Variants in ADARB1 observed in about 807,000 individuals in gnomAD.
ADARB1 encodes double-stranded RNA-specific editase 1.
In ADARB1, 10 loss-of-function variants were observed where a neutral mutation model predicts 52.4. The observed-to-expected ratio is 0.19, with a 90% CI of 0.12 to 0.32. ADARB1 has a LOEUF of 0.32. Among genes scored for constraint, ADARB1 ranks in the 10% least tolerant of loss-of-function variants. The pLI, the probability that ADARB1 is intolerant of heterozygous loss-of-function variation, is 1.00. For missense variants in ADARB1, 643 were observed against 922.3 expected (o/e 0.70, Z 3.92); for synonymous variants, 349 against 371.1 (o/e 0.94, Z 0.68).
chr21:45,082,043 A>G (rs892779538), intron 1 of ADARB1, among the ~76,000 whole-genome samples: 3 of 152,122 alleles, frequency 2.0e-5, no homozygotes, highest in Non-Finnish European at 2.9e-5. Flanking sequence ...GTTGTGGGCA[A>G]TAGATCAGGT....
At chr21:45,096,676 A>C (rs1348500182) in intron 1 of ADARB1, among the ~76,000 whole-genome samples, 1 of 152,172 alleles carries the variant, frequency 6.6e-6, no homozygotes, top group African/African-American at 2.4e-5. Context: ...CATCATTGTC[A>C]CCCAGAAGTG....
intron 2 of ADARB1, among the ~76,000 whole-genome samples, chr21:45,168,619 A>G (rs143049352): frequency 6.6e-6 from 1 of 152,338 alleles, no homozygotes; most frequent in East Asian, 1.9e-4. Flanking sequence ...TGTGTGGTGT[A>G]TTCGGGGTTC....
In ADARB1 at chr21:45,224,016, A is replaced by T; in HGVS notation, c.*1819A>T. The T allele has an allele frequency of 1.0e-6, 1 of 985,432 alleles. No individual in the cohort carries two copies. The highest frequency in any genetic ancestry group is 1.1e-4 in the East Asian group (1 of 8,798). The allele number at this position is 985,432 out of a possible 1,614,324, so 61.0% of individuals were successfully genotyped here. A position where few individuals can be genotyped will look rare whatever the true frequency, so the allele number is the denominator to read the frequency against. ...CCACAGTGGGGTTTTGTTCAGGCAG[A>T]TCGCGCTGGGGTTCTGCACCTGCAG... On this transcript the variant is annotated 3_prime_UTR_variant, in exon 11 of 11. Coordinates refer to ENST00000348831, the MANE Select transcript of ADARB1 (RefSeq NM_001112.4).
intron 1 of ADARB1, among the ~76,000 whole-genome samples, chr21:45,112,416 C>T (rs2087583037): frequency 6.6e-6 from 1 of 152,020 alleles, no homozygotes; most frequent in African/African-American, 2.4e-5. Context: ...TGGACTTCCC[C>T]TATCCCTGGG....
rs767917689 is a variant in ADARB1 at position 45,163,187 on chromosome 21, T to C, written c.-47-8423T>C. ...CATCAATAGTAACCAGTTTAAAGCC[T>C]TTTCATTTACAAATATTTCTGATTT... is the stretch of plus-strand genomic sequence containing the variant. On this transcript the variant is annotated intron_variant, in intron 2 of 10. Transcript: ENST00000348831. 7.4e-4 allele frequency among the ~76,000 whole-genome samples: 112 copies of C among 152,338 alleles called. No individual in the cohort carries two copies. In the Middle Eastern group the frequency reaches 0.014, roughly 19 times the overall value.
chr21:45,082,787 C>CT (rs376431469), intron 1 of ADARB1, among the ~76,000 whole-genome samples: 15 of 152,340 alleles, frequency 9.8e-5, no homozygotes, highest in African/African-American at 3.6e-4. Context: ...ACTGGCCTGG[C>CT]TTACCTGAGT....
intron 4 of ADARB1, chr21:45,177,135 G>C (rs2091730851): frequency 6.3e-6 from 1 of 158,750 alleles, no homozygotes; most frequent in Admixed American, 5.9e-5. Context: ...ACCCAAGTCT[G>C]GGTCAAGATG....
At chr21:45,105,243 G>A (rs1018973347) in intron 1 of ADARB1, among the ~76,000 whole-genome samples, 1 of 152,120 alleles carries the variant, frequency 6.6e-6, no homozygotes, top group African/African-American at 2.4e-5. Context: ...TGGGATTACA[G>A]GTGCCCGCCA....
chr21:45,114,680 GTCA>G (rs372613141), intron 1 of ADARB1, among the ~76,000 whole-genome samples: 163 of 152,326 alleles, frequency 1.1e-3, no homozygotes, highest in African/African-American at 3.6e-3. Flanking sequence ...CCTTAACATT[GTCA>G]TCATCACCTC....
chr21:45,111,878 G>A (rs759470067), intron 1 of ADARB1, among the ~76,000 whole-genome samples: 3 of 152,236 alleles, frequency 2.0e-5, no homozygotes, highest in Non-Finnish European at 4.4e-5. Flanking sequence ...TGCTGGGGTG[G>A]ATGGGCTGGC....
chr21:45,090,158 G>T (rs971206794), intron 1 of ADARB1, among the ~76,000 whole-genome samples: 1 of 152,074 alleles, frequency 6.6e-6, no homozygotes, highest in Admixed American at 6.6e-5. Flanking sequence ...CCATATGTGC[G>T]TCTGTTGAAA....
intron 1 of ADARB1, among the ~76,000 whole-genome samples, chr21:45,092,885 T>C (rs1249929253): frequency 7.8e-6 from 1 of 127,448 alleles, no homozygotes; most frequent in Non-Finnish European, 1.9e-5. Flanking sequence ...TATCACACAT[T>C]TTTGTACCTT....
intron 2 of ADARB1, among the ~76,000 whole-genome samples, chr21:45,130,257 T>C (rs559960092): frequency 6.6e-6 from 1 of 152,342 alleles, no homozygotes; most frequent in Non-Finnish European, 1.5e-5. Flanking sequence ...ATATGTGAAA[T>C]AGCAAGTATT....
chr21:45,110,968 G>A (rs1423995625), intron 1 of ADARB1, among the ~76,000 whole-genome samples: 1 of 152,148 alleles, frequency 6.6e-6, no homozygotes, highest in East Asian at 1.9e-4. Context: ...AGCTCAGGTC[G>A]AGAGGGCTGG....
chr21:45,208,497 A>C lies in ADARB1; in HGVS notation c.1747+3761A>C, dbSNP rs1034351106. ...GAAGGCAGGTGCCTGCTGAGCTGCT[A>C]TCCACCCGAGACCATTTGACATTAT... On this transcript the variant is annotated intron_variant, in intron 9 of 10. Transcript: ENST00000348831. The surrounding 1 kb of genome is among the most constrained non-coding windows in gnomAD (Gnocchi z 5.6). 2.0e-5 allele frequency among the ~76,000 whole-genome samples: 3 copies of C among 152,218 alleles called. No individual in the cohort carries two copies. The East Asian group carries it at 5.8e-4, about 29-fold the overall frequency.
At chr21:45,111,508 G>A (rs1240046959) in intron 1 of ADARB1, among the ~76,000 whole-genome samples, 1 of 152,138 alleles carries the variant, frequency 6.6e-6, no homozygotes, top group Non-Finnish European at 1.5e-5. Flanking sequence ...TGCACTCTTA[G>A]TGTTGGACGT....
intron 8 of ADARB1, among the ~76,000 whole-genome samples, chr21:45,196,938 T>G (rs1176509427): frequency 6.6e-6 from 1 of 152,222 alleles, no homozygotes; most frequent in African/African-American, 2.4e-5. Flanking sequence ...CTCATGCTTT[T>G]AATTCCAGCA....
rs371150162 is a variant in ADARB1, at chr21:45,220,482, G to A, written c.1748-354G>A. On this transcript the variant is annotated intron_variant, in intron 9 of 10. Coordinates refer to ENST00000348831, the MANE Select transcript of ADARB1 (RefSeq NM_001112.4). The surrounding 1 kb of genome is among the most constrained non-coding windows in gnomAD (Gnocchi z 6.3). ...GTGGCTCCCACCCATCCACTCTCAG[G>A]CTGCCAAGGTTCCTGGCTCCGTCAG... Among the ~76,000 whole-genome samples the A allele has an allele frequency of 6.6e-6, 1 of 152,150 alleles. No homozygotes were observed.
At chr21:45,095,059 CT>C (rs908785961) in intron 1 of ADARB1, among the ~76,000 whole-genome samples, 62 of 152,240 alleles carry the variant, frequency 4.1e-4, no homozygotes, top group African/African-American at 1.3e-3. Context: ...TTGCTAGTCA[CT>C]AATGATCTGT....
Sources: allele counts gnomAD v4.1 joint callset (sites outside exome capture counted in the v4.1 genomes callset), GRCh38; gene constraint gnomAD v4.1.1; non-coding constraint Gnocchi (gnomAD v3.1); transcripts MANE v1.5; gene names NCBI Gene and HGNC (gene_info 2026-07-23, HGNC 2026-07-21).